Variants in LRIG1 observed in about 807,000 individuals in gnomAD.
LRIG1 encodes the protein leucine-rich repeats and immunoglobulin-like domains protein 1.
In LRIG1, 48 loss-of-function variants were observed where a neutral mutation model predicts 99.2. The ratio of observed to expected loss-of-function variants is 0.48; its 90% CI spans 0.38 to 0.62. The LOEUF is 0.62. Among genes scored for constraint, LRIG1 ranks in the 20% least tolerant of loss-of-function variants. The pLI, the probability that LRIG1 is intolerant of heterozygous loss-of-function variation, is 0.00. For synonymous variants in LRIG1, 772 were observed against 596.1 expected, an observed-to-expected ratio of 1.29 and a Z score of -4.30; for missense variants, 1,646 against 1,434.4, an observed-to-expected ratio of 1.15 and a Z score of -2.38.
intron 1 of LRIG1, among the ~76,000 whole-genome samples, chr3:66,486,639 A>G (rs1700981353): frequency 6.6e-6 from 1 of 152,236 alleles, no homozygotes; most frequent in South Asian, 2.1e-4. Context: ...CTTTTTAAAA[A>G]TGTCTCAAAA....
intron 1 of LRIG1, 74 bp downstream of exon 1, chr3:66,500,116 T>A: frequency 8.1e-7 from 1 of 1,227,096 alleles, no homozygotes; most frequent in Non-Finnish European, 1.1e-6. Flanking sequence ...CCTCCCTGAG[T>A]ACGAACCCCC....
intron 2 of LRIG1, among the ~76,000 whole-genome samples, chr3:66,456,497 T>A (rs1254192566): frequency 6.7e-6 from 1 of 149,326 alleles, no homozygotes; most frequent in Non-Finnish European, 1.5e-5. Context: ...CGCTTGAGCC[T>A]GGGAATTTGA....
At chr3:66,404,720 CA>C (rs1422248514) in intron 9 of LRIG1, among the ~76,000 whole-genome samples, 4 of 152,248 alleles carry the variant, frequency 2.6e-5, no homozygotes, top group Non-Finnish European at 2.9e-5. Context: ...AAAAAGACCC[CA>C]AACCATACAT....
chr3:66,456,293 G>A (rs543428024), intron 2 of LRIG1, among the ~76,000 whole-genome samples: 1 of 152,272 alleles, frequency 6.6e-6, no homozygotes, highest in African/African-American at 2.4e-5. Flanking sequence ...CTTAAGAGAT[G>A]GCAGGAGGAC....
chr3:66,406,075 G>C (rs1702258731), intron 8 of LRIG1: 5 of 986,092 alleles, frequency 5.1e-6, no homozygotes, highest in Non-Finnish European at 6.0e-6. Flanking sequence ...GCAGACACAG[G>C]CCAGGGAGAG....
In LRIG1 at chr3:66,398,964, A is replaced by G. The variant is rs1701956176; in HGVS notation, c.1232+6T>C. The G allele has an allele frequency of 6.2e-7, 1 of 1,613,836 alleles. No homozygotes were observed. Reference sequence around the variant, plus strand: ...TGCCTCAGGGCAGGGCTGGTGAGATACTCACAGGTGCTCCAGGCCTTCCAG... The same window carrying G: ...TGCCTCAGGGCAGGGCTGGTGAGATGCTCACAGGTGCTCCAGGCCTTCCAG... On this transcript the variant is annotated splice_donor_region_variant and intron_variant, in intron 10 of 18. Transcript: ENST00000273261.
chr3:66,482,736 G>A (rs1299667782), intron 1 of LRIG1, among the ~76,000 whole-genome samples: 1 of 152,180 alleles, frequency 6.6e-6, no homozygotes. Flanking sequence ...CCCAATATCA[G>A]AGAAACTTTA....
chr3:66,435,140 A>T (rs1703313039), intron 3 of LRIG1, among the ~76,000 whole-genome samples: 1 of 152,368 alleles, frequency 6.6e-6, no homozygotes, highest in East Asian at 1.9e-4. Context: ...ACAATAACCT[A>T]GATGAACCTC....
At chr3:66,444,386 CT>C (rs1371646866) in intron 3 of LRIG1, among the ~76,000 whole-genome samples, 1 of 88,800 alleles carries the variant, frequency 1.1e-5, no homozygotes, top group Non-Finnish European at 2.8e-5. Context: ...GCCCCAGAGC[CT>C]TTCTCAGAAG....
intron 5 of LRIG1, among the ~76,000 whole-genome samples, chr3:66,414,303 A>G (rs1366655869): frequency 2.0e-5 from 3 of 152,156 alleles, no homozygotes; most frequent in Non-Finnish European, 4.4e-5. Context: ...AGGCTGAGGC[A>G]GGAGAATGGT....
At chr3:66,428,151 C>T (rs748898487) in intron 3 of LRIG1, among the ~76,000 whole-genome samples, 2 of 152,314 alleles carry the variant, frequency 1.3e-5, no homozygotes, top group Middle Eastern at 3.4e-3. Flanking sequence ...TTTTGGCAGG[C>T]GTGCAATGTC....
intron 12 of LRIG1, among the ~76,000 whole-genome samples, chr3:66,391,510 G>T (rs1371933380): frequency 2.0e-5 from 3 of 152,186 alleles, no homozygotes; most frequent in Non-Finnish European, 4.4e-5. Context: ...AGTGAGAAAA[G>T]CCAGTTACAA....
chr3:66,410,586 C>T (rs1702433436), intron 6 of LRIG1, among the ~76,000 whole-genome samples: 1 of 152,158 alleles, frequency 6.6e-6, no homozygotes, highest in South Asian at 2.1e-4. Flanking sequence ...TTATGCCCAT[C>T]CAGTACTTGG....
At chr3:66,398,869 T>A (rs1701951405) in intron 10 of LRIG1, 101 bp downstream of exon 10, 2 of 947,690 alleles carry the variant, frequency 2.1e-6, no homozygotes, top group Non-Finnish European at 1.7e-6. Flanking sequence ...CCAAATAGCC[T>A]GTTTCTCAGT....
chr3:66,455,062 A>G (rs989372060), intron 2 of LRIG1, among the ~76,000 whole-genome samples: 1 of 152,144 alleles, frequency 6.6e-6, no homozygotes, highest in Admixed American at 6.5e-5. Context: ...CTCCTGCCTC[A>G]GCCTCCCGAG....
chr3:66,484,029 G>A (rs1201544858), intron 1 of LRIG1, among the ~76,000 whole-genome samples: 4 of 152,236 alleles, frequency 2.6e-5, no homozygotes, highest in Non-Finnish European at 5.9e-5. Flanking sequence ...AATGTGGCAG[G>A]TAAACAGCCT....
chr3:66,380,810 T>TAAC lies in LRIG1; in HGVS notation c.2819_2821dup (p.Cys940dup). ...GGGGTGGAAGGCTTGTCCCCTGGAG[T>TAAC]AACAGTCCACTTCGGTGTTGCAGTC... On this transcript the variant is annotated inframe_insertion, in exon 18 of 19. Coordinates refer to ENST00000273261, the MANE Select transcript of LRIG1 (RefSeq NM_015541.3). 1 of 1,614,104 alleles carries TAAC rather than the reference T, an allele frequency of 6.2e-7. No individual in the cohort carries two copies. Among genetic ancestry groups the TAAC allele is most frequent in the Non-Finnish European group, 8.5e-7 (1 of 1,180,038 alleles).
intron 16 of LRIG1, 73 bp downstream of exon 16, chr3:66,382,200 A>G: frequency 6.3e-7 from 1 of 1,579,044 alleles, no homozygotes; most frequent in Non-Finnish European, 8.7e-7. Flanking sequence ...CCCTGTAAAG[A>G]CCTGGAGGCC....
At chr3:66,409,510 G>C (rs750372868) in intron 7 of LRIG1, among the ~76,000 whole-genome samples, 1 of 152,212 alleles carries the variant, frequency 6.6e-6, no homozygotes, top group African/African-American at 2.4e-5. Flanking sequence ...AAAGGAGCAA[G>C]AGGACCACAC....
Sources: allele counts gnomAD v4.1 joint callset (sites outside exome capture counted in the v4.1 genomes callset), GRCh38; gene constraint gnomAD v4.1.1; transcripts MANE v1.5; gene names NCBI Gene and HGNC (gene_info 2026-07-23, HGNC 2026-07-21).